DEUP1: variants seen among roughly 807,000 people sequenced by gnomAD.
DEUP1 encodes the protein deuterosome assembly protein 1.
A neutral mutation model predicts 87.4 loss-of-function variants in DEUP1; 82 were observed. That is an observed-to-expected ratio of 0.94 (90% CI 0.78 to 1.13). DEUP1 has a LOEUF of 1.13. DEUP1 is among the 50% of genes most tolerant of loss of function. The probability of loss-of-function intolerance (pLI) is 0.00; values close to 1 mark genes in which losing one functional copy is unlikely to be tolerated. For synonymous variants in DEUP1, 214 were observed against 222.7 expected, an observed-to-expected ratio of 0.96 and a Z score of 0.35; for missense variants, 663 against 681.5, an observed-to-expected ratio of 0.97 and a Z score of 0.30.
rs10534401 is a variant in DEUP1 at position 93,431,095 on chromosome 11, C to CAA, written c.1639-6429_1639-6428dup. 7.2e-3 allele frequency among the ~76,000 whole-genome samples: 814 copies of CAA among 112,484 alleles called. 8 individuals carry two copies. The highest frequency in any genetic ancestry group is 0.013 in the East Asian group (51 of 4,022). 73.8% of individuals were successfully genotyped at this position (112,484 alleles called of 152,430 possible). ...TGGGCAACAGAGCGAAACACTGTCT[C>CAA]AAAAAAAAAAAAAAAAAAAAGAAAG... is the stretch of plus-strand genomic sequence containing the variant. On this transcript the variant is annotated intron_variant, in intron 13 of 13. Transcript: ENST00000298050.
intron 2 of DEUP1, chr11:93,352,310 T>G (rs1424696027): frequency 1.4e-6 from 1 of 701,722 alleles, no homozygotes; most frequent in African/African-American, 1.7e-5. Flanking sequence ...TAGGCTGAAG[T>G]GTAAGACCTC....
At chr11:93,376,404 T>A (rs1946044700) in intron 7 of DEUP1, among the ~76,000 whole-genome samples, 1 of 152,200 alleles carries the variant, frequency 6.6e-6, no homozygotes, top group Non-Finnish European at 1.5e-5. Context: ...TACTTTGTGC[T>A]TGTAAAGGTG....
intron 2 of DEUP1, among the ~76,000 whole-genome samples, chr11:93,332,669 C>A (rs1322006659): frequency 6.6e-6 from 1 of 152,168 alleles, no homozygotes; most frequent in African/African-American, 2.4e-5. Context: ...TAAGGCTGAA[C>A]TCAACACTTA....
Position 93,338,511 on chromosome 11 carries a change from A to G in DEUP1, c.29+6223A>G, listed in dbSNP as rs571957520. 8.5e-4 allele frequency among the ~76,000 whole-genome samples: 129 copies of G among 151,856 alleles called. 1 individual carries two copies. Among genetic ancestry groups the G allele is most frequent in the Middle Eastern group, 6.8e-3 (2 of 294 alleles). ...AATGTCAGCCTCCTGGGCTCAAGCA[A>G]TCCTCCACCTCAGCCTCCTGAGTAG... On this transcript the variant is annotated intron_variant, in intron 2 of 13. Transcript: ENST00000298050.
intron 4 of DEUP1, 105 bp from the exon 5 acceptor site, chr11:93,364,055 A>G (rs1011448890): frequency 1.1e-5 from 9 of 833,968 alleles, no homozygotes; most frequent in Non-Finnish European, 5.5e-6. Flanking sequence ...TGCACTTTCT[A>G]ATCATGACAA....
intron 13 of DEUP1, among the ~76,000 whole-genome samples, chr11:93,433,482 T>G (rs1281026142): frequency 6.6e-6 from 1 of 152,238 alleles, no homozygotes; most frequent in East Asian, 1.9e-4. Flanking sequence ...GTTGCACCAC[T>G]GTGCTCCAGC....
intron 4 of DEUP1, among the ~76,000 whole-genome samples, 183 bp from the exon 5 acceptor site, chr11:93,363,977 G>A (rs890723700): frequency 1.3e-5 from 2 of 151,878 alleles, no homozygotes; most frequent in African/African-American, 4.8e-5. Context: ...GCTGAATTGT[G>A]TTCAGCTTCA....
intron 5 of DEUP1, among the ~76,000 whole-genome samples, chr11:93,366,624 C>G (rs1945431466): frequency 6.6e-6 from 1 of 152,160 alleles, no homozygotes; most frequent in Admixed American, 6.5e-5. Context: ...ACCAGTACAT[C>G]TGAGAAGAAT....
intron 1 of DEUP1, among the ~76,000 whole-genome samples, chr11:93,331,942 G>A (rs1943510998): frequency 6.6e-6 from 1 of 152,180 alleles, no homozygotes; most frequent in Non-Finnish European, 1.5e-5. Context: ...TCAGGAGGCT[G>A]AGGTGGGAGA....
chr11:93,358,755 A>G (rs3019227), intron 4 of DEUP1, among the ~76,000 whole-genome samples: 86,052 of 151,866 alleles, frequency 0.57, 24,860 homozygotes, highest in Admixed American at 0.67. Context: ...GCTAATTTGT[A>G]TATTTTTAAT....
chr11:93,352,224 T>C (rs77192933), intron 2 of DEUP1: 10,762 of 620,434 alleles, frequency 0.017, 277 homozygotes, highest in South Asian at 0.079. Context: ...CACAAATACA[T>C]TAGAAGCCTC....
At chr11:93,392,256 T>C (rs1946786618) in intron 9 of DEUP1, among the ~76,000 whole-genome samples, 1 of 152,202 alleles carries the variant, frequency 6.6e-6, no homozygotes, top group Non-Finnish European at 1.5e-5. Flanking sequence ...CTCAGGTTTT[T>C]CCAAATGTGA....
chr11:93,413,888 C>T (rs2605580), intron 12 of DEUP1, among the ~76,000 whole-genome samples: 106,746 of 152,070 alleles, frequency 0.7, 39,058 homozygotes, highest in East Asian at 0.9. Context: ...AATAATTAGA[C>T]GAATAATTGA....
intron 2 of DEUP1, among the ~76,000 whole-genome samples, chr11:93,345,195 C>T (rs1343532155): frequency 1.3e-5 from 2 of 152,078 alleles, no homozygotes; most frequent in South Asian, 2.1e-4. Flanking sequence ...GATCTTGTTC[C>T]TTTTATGGCT....
intron 13 of DEUP1, among the ~76,000 whole-genome samples, chr11:93,432,286 G>A (rs116347986): frequency 2.6e-3 from 393 of 152,274 alleles, no homozygotes; most frequent in African/African-American, 9.1e-3. Flanking sequence ...CAGTATAGGA[G>A]GAAGGATGAG....
At chr11:93,380,840 A>G (rs1946272545) in intron 7 of DEUP1, among the ~76,000 whole-genome samples, 1 of 152,228 alleles carries the variant, frequency 6.6e-6, no homozygotes, top group African/African-American at 2.4e-5. Context: ...ATTAAATTTG[A>G]ACTAAGAATC....
intron 12 of DEUP1, among the ~76,000 whole-genome samples, chr11:93,410,798 T>C (rs1014125471): frequency 3.3e-5 from 5 of 152,336 alleles, no homozygotes; most frequent in Middle Eastern, 3.4e-3. Flanking sequence ...CAGTACAGAA[T>C]GTGTTAAAAG....
intron 7 of DEUP1, among the ~76,000 whole-genome samples, chr11:93,376,190 C>T (rs902257159): frequency 1.1e-4 from 17 of 152,222 alleles, no homozygotes; most frequent in Middle Eastern, 6.8e-3. Flanking sequence ...ATGATCTGCC[C>T]GCCTTGGCCT....
At chr11:93,340,147 A>G (rs948830164) in intron 2 of DEUP1, among the ~76,000 whole-genome samples, 5 of 152,130 alleles carry the variant, frequency 3.3e-5, no homozygotes, top group African/African-American at 9.7e-5. Flanking sequence ...AAATAAATCT[A>G]TATTATGTTG....
Sources: gnomAD v4.1 joint callset for allele counts (sites outside exome capture counted in the v4.1 genomes callset) on GRCh38, gnomAD v4.1.1 for gene constraint, MANE v1.5 for transcripts, NCBI Gene and HGNC (gene_info 2026-07-23, HGNC 2026-07-21) for gene names.